AOPEP: variants seen among roughly 807,000 people sequenced by gnomAD.
AOPEP encodes aminopeptidase O (putative).
A neutral mutation model predicts 98.1 loss-of-function variants in AOPEP; 77 were observed. The ratio of observed to expected loss-of-function variants is 0.78; its 90% CI spans 0.65 to 0.95. The LOEUF is 0.95. Among genes scored for constraint, AOPEP ranks in the 40% least tolerant of loss-of-function variants. The pLI is 0.00. For missense variants in AOPEP, 1,024 were observed against 1,024.7 expected (o/e 1.00, Z 0.01); for synonymous variants, 346 against 365.3 (o/e 0.95, Z 0.60).
At chr9:95,147,674 A>T in the AOPEP span, among the ~76,000 whole-genome samples, 100 of 152,296 alleles carry the variant, frequency 6.6e-4, no homozygotes, top group African/African-American at 2.3e-3. Context: ...GATGTTAATG[A>T]TTTACCTTAT....
At chr9:94,918,809 A>G (rs190283505) in intron 5 of AOPEP, among the ~76,000 whole-genome samples, 16 of 152,276 alleles carry the variant, frequency 1.1e-4, no homozygotes, top group Non-Finnish European at 7.4e-5. Context: ...AGAATAAGGA[A>G]TGTGGCCCTG....
chr9:94,846,190 C>T (rs546296434), intron 5 of AOPEP, among the ~76,000 whole-genome samples: 1 of 151,910 alleles, frequency 6.6e-6, no homozygotes, highest in African/African-American at 2.4e-5. Context: ...ATTTGCGGAG[C>T]CTTCAGGATA....
intron 9 of AOPEP, among the ~76,000 whole-genome samples, chr9:94,961,501 C>T (rs1371729952): frequency 6.6e-6 from 1 of 152,140 alleles, no homozygotes; most frequent in Non-Finnish European, 1.5e-5. Flanking sequence ...TCTTCATGAC[C>T]TGTATTAATC....
intron 13 of AOPEP, among the ~76,000 whole-genome samples, chr9:95,054,174 A>T (rs182755422): frequency 1.3e-5 from 2 of 152,350 alleles, no homozygotes; most frequent in Non-Finnish European, 2.9e-5. Context: ...GGGTGAATAG[A>T]CAGAATCACT....
chr9:94,918,604 G>A (rs924127724), intron 5 of AOPEP, among the ~76,000 whole-genome samples: 2 of 152,194 alleles, frequency 1.3e-5, no homozygotes, highest in African/African-American at 4.8e-5. Context: ...CTTGCCAGCT[G>A]TGTGACCTTG....
intron 11 of AOPEP, chr9:95,004,402 G>A (rs1648225573): frequency 2.5e-6 from 1 of 404,410 alleles, no homozygotes; most frequent in South Asian, 1.8e-5. Context: ...ACACTCGCGG[G>A]AGCGCGGGGC....
intron 13 of AOPEP, among the ~76,000 whole-genome samples, chr9:95,008,264 G>A (rs1008068943): frequency 6.6e-6 from 1 of 152,172 alleles, no homozygotes; most frequent in Non-Finnish European, 1.5e-5. Context: ...CAGCCTAGAT[G>A]AGTAAATTCG....
intron 5 of AOPEP, among the ~76,000 whole-genome samples, chr9:94,823,230 A>T (rs1853671786): frequency 6.6e-6 from 1 of 152,182 alleles, no homozygotes; most frequent in Non-Finnish European, 1.5e-5. Context: ...TCCTGACCTC[A>T]GGTGATCTGC....
At chr9:94,793,034 A>G in intron 4 of AOPEP, 116 bp downstream of exon 4, 1 of 1,170,186 alleles carries the variant, frequency 8.5e-7, no homozygotes, top group Admixed American at 2.3e-5. Context: ...AAACTAAACC[A>G]AAATAGGATT....
At chr9:94,885,786 G>C (rs2048171770) in intron 5 of AOPEP, among the ~76,000 whole-genome samples, 1 of 152,174 alleles carries the variant, frequency 6.6e-6, no homozygotes, top group Non-Finnish European at 1.5e-5. Flanking sequence ...TTTGCTAGCA[G>C]AATTGGAGTG....
At chr9:94,871,827 C>CA (rs947483913) in intron 5 of AOPEP, among the ~76,000 whole-genome samples, 8 of 152,184 alleles carry the variant, frequency 5.3e-5, no homozygotes, top group Non-Finnish European at 1.0e-4. Context: ...GGCAACATGG[C>CA]AAAACCCTGT....
chr9:95,146,279 G>A, the AOPEP span, among the ~76,000 whole-genome samples: 3 of 151,994 alleles, frequency 2.0e-5, no homozygotes, highest in Non-Finnish European at 4.4e-5. Context: ...TTGAGCCCAG[G>A]AGTTCAAGAC....
At chr9:95,131,412 T>C in the AOPEP span, among the ~76,000 whole-genome samples, 2 of 152,164 alleles carry the variant, frequency 1.3e-5, no homozygotes, top group Non-Finnish European at 2.9e-5. Context: ...TTTTTGGGTT[T>C]TTCCCTCTCT....
chr9:95,096,617 A>T, the AOPEP span, among the ~76,000 whole-genome samples: 1 of 152,102 alleles, frequency 6.6e-6, no homozygotes, highest in Non-Finnish European at 1.5e-5. Flanking sequence ...TCCAGCCTCT[A>T]GGTGGAGTCC....
intron 14 of AOPEP, among the ~76,000 whole-genome samples, chr9:95,064,375 A>G (rs997447368): frequency 2.6e-5 from 4 of 152,118 alleles, no homozygotes; most frequent in Admixed American, 6.5e-5. Context: ...GCTCACTGCA[A>G]CCTCCAACTC....
In AOPEP at chr9:94,932,324, G is replaced by A. The variant is rs182021637; in HGVS notation, c.1661+3793G>A. On this transcript the variant is annotated intron_variant, in intron 7 of 16. Transcript: ENST00000375315. ...AACATTCTCTTGGTTATAGATACTG[G>A]AGTATTAACAAAGTGAAAAGAGAAA... 7.0e-5 allele frequency: 68 copies of A among 972,366 alleles called. No individual in the cohort carries two copies. The African/African-American group carries it at 1.2e-3, about 17-fold the overall frequency. 60.2% of individuals were successfully genotyped at this position (972,366 alleles called of 1,614,324 possible). A position where few individuals can be genotyped will look rare whatever the true frequency, so the allele number is the denominator to read the frequency against.
the AOPEP span, among the ~76,000 whole-genome samples, chr9:95,136,933 A>AT: frequency 6.6e-6 from 1 of 152,186 alleles, no homozygotes; most frequent in South Asian, 2.1e-4. Context: ...TGGCTCTGGG[A>AT]TACAGTAGAG....
intron 5 of AOPEP, among the ~76,000 whole-genome samples, chr9:94,897,023 T>C (rs1450596985): frequency 6.6e-6 from 1 of 151,684 alleles, no homozygotes; most frequent in Non-Finnish European, 1.5e-5. Flanking sequence ...ATAAGGTGTA[T>C]AGTTTGTCCT....
In AOPEP at chr9:95,018,905, A is replaced by G. The variant is rs2063227677; in HGVS notation, c.2115+13289A>G. 2.0e-5 allele frequency: 3 copies of G among 152,342 alleles called. No homozygotes were observed. In the South Asian group the frequency reaches 6.2e-4, roughly 32 times the overall value. 9.4% of individuals were successfully genotyped at this position (152,342 alleles called of 1,614,324 possible). A position where few individuals can be genotyped will look rare whatever the true frequency, so the allele number is the denominator to read the frequency against. On this transcript the variant is annotated intron_variant, in intron 13 of 16. Transcript: ENST00000375315. Reference sequence around the variant, plus strand: ...CTCACTCAATACTTAATGCATCTTAAGGCACCTCTTCACAGAAGGCGGTGG... The same window carrying G: ...CTCACTCAATACTTAATGCATCTTAGGGCACCTCTTCACAGAAGGCGGTGG...
Sources: allele counts gnomAD v4.1 joint callset (sites outside exome capture counted in the v4.1 genomes callset), GRCh38; gene constraint gnomAD v4.1.1; transcripts MANE v1.5; gene names NCBI Gene and HGNC (gene_info 2026-07-23, HGNC 2026-07-21).